The following ATRNL1 variants were observed in gnomAD, a reference collection of about 807,000 sequenced individuals.
ATRNL1 encodes attractin-like protein 1.
ATRNL1 carries 95 observed loss-of-function variants against 182.7 expected under a neutral mutation model. The ratio of observed to expected loss-of-function variants is 0.52; its 90% CI spans 0.44 to 0.62. ATRNL1 has a LOEUF of 0.62. ATRNL1 is among the 20% of genes least tolerant of loss of function. The pLI is 0.00. For missense variants in ATRNL1, 1,471 were observed against 1,679.5 expected, an observed-to-expected ratio of 0.88 and a Z score of 2.17; for synonymous variants, 576 against 568.3, an observed-to-expected ratio of 1.01 and a Z score of -0.19.
chr10:115,254,942 T>C (rs1444267756), intron 10 of ATRNL1, among the ~76,000 whole-genome samples: 7 of 152,186 alleles, frequency 4.6e-5, no homozygotes, highest in Admixed American at 4.6e-4. Context: ...GATCAGATGT[T>C]TGTAGATGTG....
chr10:115,598,699 A>G (rs912251766), intron 26 of ATRNL1, among the ~76,000 whole-genome samples: 77 of 152,088 alleles, frequency 5.1e-4, no homozygotes, highest in African/African-American at 1.8e-3. Flanking sequence ...AAAAGTAACT[A>G]TGTCTTTTAA....
chr10:115,442,303 C>CTCTCTCTCTCCCTCTCTCTCTCTCTG (rs782157017), intron 21 of ATRNL1, among the ~76,000 whole-genome samples: 1 of 123,766 alleles, frequency 8.1e-6, no homozygotes, highest in Non-Finnish European at 1.7e-5. Flanking sequence ...CTCTCTCTCT[C>CTCTCTCTCTCCCTCTCTCTCTCTCTG]TGTGTGTATG....
chr10:115,910,377 C>T (rs572184376), intron 28 of ATRNL1, among the ~76,000 whole-genome samples: 3 of 152,254 alleles, frequency 2.0e-5, no homozygotes, highest in Middle Eastern at 3.4e-3. Flanking sequence ...TTTGTCAACA[C>T]CTGTCTCCCC....
intron 23 of ATRNL1, among the ~76,000 whole-genome samples, 194 bp from the exon 24 acceptor site, chr10:115,468,978 T>G (rs530224039): frequency 1.2e-4 from 18 of 150,854 alleles, no homozygotes; most frequent in African/African-American, 4.3e-4. Context: ...AGTGGTAGCA[T>G]TTTTAAAAAT....
intron 25 of ATRNL1, among the ~76,000 whole-genome samples, chr10:115,534,867 G>T (rs1851864019): frequency 6.6e-6 from 1 of 151,798 alleles, no homozygotes; most frequent in African/African-American, 2.4e-5. Flanking sequence ...CACTTATGAA[G>T]CTTAGTTTGG....
intron 27 of ATRNL1, among the ~76,000 whole-genome samples, chr10:115,767,179 G>T (rs1248407205): frequency 2.6e-5 from 4 of 152,008 alleles, no homozygotes; most frequent in African/African-American, 9.7e-5. Context: ...TTAAACATGG[G>T]CATTGTGTAG....
chr10:115,847,103 C>G (rs1286822494), intron 27 of ATRNL1, among the ~76,000 whole-genome samples: 1 of 151,828 alleles, frequency 6.6e-6, no homozygotes, highest in Non-Finnish European at 1.5e-5. Flanking sequence ...AGGTATTTCA[C>G]TAAAACAATA....
chr10:115,131,322 G>A (rs986558933), intron 5 of ATRNL1, among the ~76,000 whole-genome samples: 1 of 151,962 alleles, frequency 6.6e-6, no homozygotes, highest in Non-Finnish European at 1.5e-5. Context: ...ATTATAAAAC[G>A]CAGAAATAAG....
intron 27 of ATRNL1, among the ~76,000 whole-genome samples, chr10:115,785,364 C>T (rs1409458604): frequency 6.6e-5 from 10 of 152,180 alleles, no homozygotes; most frequent in African/African-American, 2.4e-4. Flanking sequence ...GGGGCATCCC[C>T]ACCCTCTATG....
At chr10:115,823,850 G>A (rs1950361653) in intron 27 of ATRNL1, among the ~76,000 whole-genome samples, 1 of 152,124 alleles carries the variant, frequency 6.6e-6, no homozygotes, top group African/African-American at 2.4e-5. Context: ...TGGCCATACT[G>A]CCCAAAGTAA....
intron 5 of ATRNL1, among the ~76,000 whole-genome samples, chr10:115,155,946 A>G (rs902951112): frequency 6.6e-6 from 1 of 152,068 alleles, no homozygotes; most frequent in East Asian, 1.9e-4. Context: ...GTGGGGTGCT[A>G]GAATTTAAAA....
At chr10:115,096,546 C>G (rs2085015189) in intron 1 of ATRNL1, 2 of 656,268 alleles carry the variant, frequency 3.0e-6, no homozygotes, top group Non-Finnish European at 4.7e-6. Flanking sequence ...GGATAGCAAC[C>G]TTACAAACAG....
chr10:115,526,963 G>A (rs770386498), intron 25 of ATRNL1, among the ~76,000 whole-genome samples: 2 of 152,064 alleles, frequency 1.3e-5, no homozygotes, highest in Non-Finnish European at 2.9e-5. Flanking sequence ...CCCAGGAACA[G>A]GCCCGCCTTG....
At chr10:115,110,854 A>G (rs1844226905) in intron 1 of ATRNL1, among the ~76,000 whole-genome samples, 1 of 152,238 alleles carries the variant, frequency 6.6e-6, no homozygotes, top group Non-Finnish European at 1.5e-5. Context: ...AGCTTTTTAT[A>G]ACACCTTGTG....
chr10:115,116,280 TAAA>T (rs576235796), intron 1 of ATRNL1, among the ~76,000 whole-genome samples: 1 of 151,892 alleles, frequency 6.6e-6, no homozygotes, highest in African/African-American at 2.4e-5. Flanking sequence ...ATAGAAAGTT[TAAA>T]AAAAAGTTGT....
chr10:115,857,876 A>G (rs2134383657), intron 28 of ATRNL1, among the ~76,000 whole-genome samples: 1 of 152,224 alleles, frequency 6.6e-6, no homozygotes, highest in Non-Finnish European at 1.5e-5. Context: ...TGACCAACAC[A>G]TTTTTCTTTT....
At chr10:115,198,716 C>T (rs1340087831) in intron 8 of ATRNL1, among the ~76,000 whole-genome samples, 1 of 152,072 alleles carries the variant, frequency 6.6e-6, no homozygotes, top group African/African-American at 2.4e-5. Flanking sequence ...TTTTATTCTT[C>T]TGCATGTGGA....
At chr10:115,208,182 T>C (rs1592261281) in intron 8 of ATRNL1, among the ~76,000 whole-genome samples, 2 of 152,120 alleles carry the variant, frequency 1.3e-5, no homozygotes, top group East Asian at 3.8e-4. Context: ...TATTAGTTTC[T>C]AAAATTTTTG....
intron 26 of ATRNL1, among the ~76,000 whole-genome samples, chr10:115,697,524 C>T (rs1489839022): frequency 6.6e-6 from 1 of 152,088 alleles, no homozygotes; most frequent in African/African-American, 2.4e-5. Flanking sequence ...CAAGTTTTCA[C>T]CATGTTGCCC....
Sources: gnomAD v4.1 joint callset for allele counts (sites outside exome capture counted in the v4.1 genomes callset) on GRCh38, gnomAD v4.1.1 for gene constraint, MANE v1.5 for transcripts, NCBI Gene and HGNC (gene_info 2026-07-23, HGNC 2026-07-21) for gene names.